Variants in CHRM3 observed in about 807,000 individuals in gnomAD.
CHRM3 encodes the protein muscarinic acetylcholine receptor M3.
In CHRM3, 11 loss-of-function variants were observed where a neutral mutation model predicts 41.8. The observed-to-expected ratio is 0.26, with a 90% confidence interval of 0.17 to 0.44. The LOEUF is 0.44. Among genes scored for constraint, CHRM3 ranks in the 20% least tolerant of loss-of-function variants. The pLI is 1.00. For missense variants in CHRM3, 571 were observed against 745.4 expected (o/e 0.77, Z 2.72); for synonymous variants, 297 against 301.4 (o/e 0.99, Z 0.15).
chr1:239,730,137 A>G (rs936976034), intron 5 of CHRM3, among the ~76,000 whole-genome samples: 3 of 152,034 alleles, frequency 2.0e-5, no homozygotes, highest in African/African-American at 7.2e-5. Context: ...TTCAACAAAA[A>G]TATGTAAATT....
chr1:239,401,359 A>G (rs1487194917), intron 1 of CHRM3, among the ~76,000 whole-genome samples: 4 of 152,098 alleles, frequency 2.6e-5, no homozygotes, highest in Non-Finnish European at 5.9e-5. Flanking sequence ...GCTTCTCTGT[A>G]AGATATTTTC....
At chr1:239,648,471 C>A (rs1430404989) in intron 4 of CHRM3, among the ~76,000 whole-genome samples, 1 of 152,070 alleles carries the variant, frequency 6.6e-6, no homozygotes, top group Non-Finnish European at 1.5e-5. Flanking sequence ...AGAGTGTGGA[C>A]AACACAAGAG....
chr1:239,814,354 G>C (rs922173259), intron 5 of CHRM3, among the ~76,000 whole-genome samples: 2 of 152,118 alleles, frequency 1.3e-5, no homozygotes, highest in African/African-American at 4.8e-5. Flanking sequence ...TCTCCTTACA[G>C]TGTTGGCAGC....
chr1:239,844,567 A>T (rs1243228616), intron 6 of CHRM3, among the ~76,000 whole-genome samples: 1 of 152,234 alleles, frequency 6.6e-6, no homozygotes, highest in East Asian at 1.9e-4. Flanking sequence ...ACTCAAATTC[A>T]GGAAGAATTT....
At chr1:239,823,018 G>A (rs1672175622) in intron 5 of CHRM3, among the ~76,000 whole-genome samples, 1 of 152,104 alleles carries the variant, frequency 6.6e-6, no homozygotes, top group Admixed American at 6.5e-5. Context: ...TAGAAATAAT[G>A]GTTCGCCAGG....
At chr1:239,839,268 G>T (rs778192925) in intron 6 of CHRM3, among the ~76,000 whole-genome samples, 1 of 152,160 alleles carries the variant, frequency 6.6e-6, no homozygotes, top group Admixed American at 6.6e-5. Flanking sequence ...ACTGCCTCTC[G>T]ATCTATATCA....
intron 5 of CHRM3, among the ~76,000 whole-genome samples, chr1:239,755,017 C>G (rs1296976775): frequency 1.3e-5 from 2 of 152,164 alleles, no homozygotes; most frequent in African/African-American, 2.4e-5. Flanking sequence ...AAGGGACTTT[C>G]CTGTTTCATC....
chr1:239,618,939 GA>G (rs1460748173), intron 3 of CHRM3, among the ~76,000 whole-genome samples: 2 of 148,908 alleles, frequency 1.3e-5, no homozygotes, highest in East Asian at 4.0e-4. Context: ...TTTTGAGATG[GA>G]ATCTCACTCT....
At chr1:239,904,400 C>G (rs1679811995) in intron 6 of CHRM3, among the ~76,000 whole-genome samples, 1 of 152,192 alleles carries the variant, frequency 6.6e-6, no homozygotes, top group Non-Finnish European at 1.5e-5. Context: ...TTATTAACCT[C>G]AGAGACAGGG....
chr1:239,907,760 C>T lies in CHRM3; in HGVS notation c.309C>T (p.Asn103=), dbSNP rs749073169. The part of the protein sequence containing the change: ...FKVNKQLKTV[N]NYFLLSLACA... ...TCAACAAGCAGCTGAAGACGGTCAA[C>T]AACTACTTCCTCTTAAGCCTGGCCT... The change falls in exon 7 of 7, where the codon AAC becomes AAT. Residue 103 remains asparagine (N), a synonymous_variant. Coordinates refer to ENST00000676153, the MANE Select transcript of CHRM3 (RefSeq NM_001375978.1). The surrounding 1 kb of genome is among the most constrained non-coding windows in gnomAD (Gnocchi z 5.4). 3.7e-6 allele frequency: 6 copies of T among 1,614,234 alleles called. No individual in the cohort carries two copies. Among genetic ancestry groups the T allele is most frequent in the Non-Finnish European group, 3.4e-6 (4 of 1,180,052 alleles).
chr1:239,408,409 A>T (rs1660787602), intron 1 of CHRM3, among the ~76,000 whole-genome samples: 2 of 151,348 alleles, frequency 1.3e-5, no homozygotes, highest in Admixed American at 6.6e-5. Flanking sequence ...CTTTAGTCCC[A>T]GCTGCTGGGA....
In CHRM3 at chr1:239,803,822, G is replaced by T. The variant is rs115560294; in HGVS notation, c.-146-23430G>T. ...GAGCGGGGTTCCACCAAGTGAAGCA[G>T]AATAGTGGGTCACCCACCCACCCTC... is the stretch of plus-strand genomic sequence containing the variant. On this transcript the variant is annotated intron_variant, in intron 5 of 6. Coordinates refer to ENST00000676153, the MANE Select transcript of CHRM3 (RefSeq NM_001375978.1). 4.9e-3 allele frequency among the ~76,000 whole-genome samples: 751 copies of T among 152,298 alleles called. 4 individuals carry two copies. Among genetic ancestry groups the T allele is most frequent in the Non-Finnish European group, 7.7e-3 (527 of 68,026 alleles).
At chr1:239,554,919 G>A (rs1660218163) in intron 3 of CHRM3, among the ~76,000 whole-genome samples, 1 of 151,668 alleles carries the variant, frequency 6.6e-6, no homozygotes, top group Non-Finnish European at 1.5e-5. Context: ...TATTAGAGAC[G>A]GGGTTTCACC....
chr1:239,405,655 T>C (rs1490085830), intron 1 of CHRM3, among the ~76,000 whole-genome samples: 2 of 152,192 alleles, frequency 1.3e-5, no homozygotes, highest in Non-Finnish European at 2.9e-5. Flanking sequence ...ATACTGATTT[T>C]TGCCAGTAGA....
At position 239,908,603 on chromosome 1, in the gene CHRM3, C is replaced by G; in HGVS notation, c.1152C>G (p.Pro384=). 1.2e-6 allele frequency: 2 copies of G among 1,604,498 alleles called. No individual in the cohort carries two copies. The highest frequency in any genetic ancestry group is 2.2e-5 in the South Asian group (2 of 89,162). The change falls in exon 7 of 7, where the codon CCC becomes CCG. Residue 384 remains proline (P), a synonymous_variant. Coordinates refer to ENST00000676153, the MANE Select transcript of CHRM3 (RefSeq NM_001375978.1). The surrounding 1 kb of genome is among the most constrained non-coding windows in gnomAD (Gnocchi z 7.2). ...HSTILNSTKL[P]SSDNLQVPEE... is the part of the protein sequence containing the mutation. ...CCATCCTCAACTCCACCAAGTTACC[C>G]TCATCGGACAACCTGCAGGTGCCTG... is the stretch of plus-strand genomic sequence containing the variant.
rs143075916 is a variant in CHRM3 at position 239,575,796 on chromosome 1, TA to T, written c.-313+30057del. On this transcript the variant is annotated intron_variant, in intron 3 of 6. Coordinates refer to ENST00000676153, the MANE Select transcript of CHRM3 (RefSeq NM_001375978.1). ...ACACACACAGGGTTATATATAATGG[TA>T]AAAAAAAAACACGTAAAACAAAATT... is the stretch of plus-strand genomic sequence containing the variant. Among the ~76,000 whole-genome samples the T allele has an allele frequency of 3.3e-3, 494 of 148,742 alleles. 2 individuals carry two copies. The highest frequency in any genetic ancestry group is 0.012 in the East Asian group (60 of 5,062).
Position 239,913,622 on chromosome 1 carries a change from A to G in CHRM3, c.*4398A>G, listed in dbSNP as rs1680484333. The G allele has an allele frequency of 6.0e-6, 1 of 167,056 alleles. No homozygotes were observed. The highest frequency in any genetic ancestry group is 1.5e-5 in the Non-Finnish European group (1 of 68,122). The allele number at this position is 167,056 out of a possible 1,614,324, so 10.3% of individuals were successfully genotyped here. ...CTAGAATGGTAACCCAATGTTCTTTAGAACTGGAGAATTCCATTTTCCTTT... is the reference window on the plus strand; with the variant it reads ...CTAGAATGGTAACCCAATGTTCTTTGGAACTGGAGAATTCCATTTTCCTTT... On this transcript the variant is annotated 3_prime_UTR_variant, in exon 7 of 7. Transcript: ENST00000676153.
intron 6 of CHRM3, among the ~76,000 whole-genome samples, chr1:239,887,474 C>T (rs1032839176): frequency 1.3e-5 from 2 of 152,214 alleles, no homozygotes; most frequent in Admixed American, 1.3e-4. Flanking sequence ...ACCCCCACCT[C>T]AGCCTCCCAA....
intron 1 of CHRM3, among the ~76,000 whole-genome samples, chr1:239,490,843 G>A (rs1368043989): frequency 3.3e-5 from 5 of 152,002 alleles, no homozygotes; most frequent in African/African-American, 1.2e-4. Context: ...TTCTTCCGGG[G>A]CTGACTTCCA....
Sources: gnomAD v4.1 joint callset for allele counts (sites outside exome capture counted in the v4.1 genomes callset) on GRCh38, gnomAD v4.1.1 for gene constraint, Gnocchi (gnomAD v3.1) non-coding constraint, MANE v1.5 for transcripts, NCBI Gene and HGNC (gene_info 2026-07-23, HGNC 2026-07-21) for gene names.